Variants in CSNK1G3 observed in about 807,000 individuals in gnomAD.
CSNK1G3 encodes casein kinase 1 gamma 3.
In CSNK1G3, 23 loss-of-function variants were observed where a neutral mutation model predicts 64.3. That is an observed-to-expected ratio of 0.36 (90% CI 0.26 to 0.51). CSNK1G3 has a LOEUF of 0.51. Among genes scored for constraint, CSNK1G3 ranks in the 20% least tolerant of loss-of-function variants. The pLI is 0.96. For synonymous variants in CSNK1G3, 158 were observed against 162.2 expected (o/e 0.97, Z 0.20); for missense variants, 357 against 510.5 (o/e 0.70, Z 2.90).
At chr5:123,583,105 C>G (rs1790622799) in intron 6 of CSNK1G3, among the ~76,000 whole-genome samples, 1 of 152,144 alleles carries the variant, frequency 6.6e-6, no homozygotes, top group African/African-American at 2.4e-5. Flanking sequence ...TAAAGCTTCC[C>G]CTTGGATAGA....
At position 123,575,977 on chromosome 5, in the gene CSNK1G3, T is replaced by TTC; in HGVS notation, c.673+14_673+15insTC. ...ATTTAGGAAAAGGTATGTGTACCTT[T>TTC]CGTAAGTATGGAAGTTTGAACTTAG... is the stretch of plus-strand genomic sequence containing the variant. On this transcript the variant is annotated intron_variant, in intron 6 of 12. Coordinates refer to ENST00000345990, the Ensembl canonical transcript of CSNK1G3. 1.3e-6 allele frequency: 2 copies of TTC among 1,555,804 alleles called. No homozygotes were observed. The highest frequency in any genetic ancestry group is 1.8e-6 in the Non-Finnish European group (2 of 1,129,468).
chr5:123,550,247 A>C (rs942906866), intron 2 of CSNK1G3, among the ~76,000 whole-genome samples: 4 of 152,228 alleles, frequency 2.6e-5, no homozygotes, highest in African/African-American at 9.6e-5. Flanking sequence ...AGAAACCCGA[A>C]GGCTGTCAGG....
intron 6 of CSNK1G3, among the ~76,000 whole-genome samples, chr5:123,582,838 C>T (rs749781264): frequency 2.0e-5 from 3 of 152,126 alleles, no homozygotes; most frequent in Non-Finnish European, 4.4e-5. Flanking sequence ...AAAGAGAAAG[C>T]CTTCCTGTGA....
At chr5:123,535,663 T>G (rs1780668541) in intron 1 of CSNK1G3, among the ~76,000 whole-genome samples, 1 of 152,170 alleles carries the variant, frequency 6.6e-6, no homozygotes, top group Non-Finnish European at 1.5e-5. Flanking sequence ...CCCTAACCAC[T>G]GTTGTCATCT....
intron 10 of CSNK1G3, among the ~76,000 whole-genome samples, chr5:123,596,009 AT>A (rs1478528993): frequency 2.0e-5 from 3 of 151,946 alleles, no homozygotes; most frequent in Non-Finnish European, 4.4e-5. Flanking sequence ...CACTTGAATA[AT>A]TTGCCATTTT....
intron 6 of CSNK1G3, among the ~76,000 whole-genome samples, chr5:123,586,038 T>C (rs1791261899): frequency 6.6e-6 from 1 of 152,238 alleles, no homozygotes; most frequent in Non-Finnish European, 1.5e-5. Context: ...AACTGGAACC[T>C]ATTCAAATGT....
intron 2 of CSNK1G3, among the ~76,000 whole-genome samples, chr5:123,548,686 G>A (rs1206157458): frequency 1.2e-4 from 18 of 151,714 alleles, no homozygotes. Flanking sequence ...CAGGAGGATA[G>A]CTTGATTCTA....
chr5:123,557,411 G>A, intron 3 of CSNK1G3, 84 bp from the exon 4 acceptor site: 1 of 979,938 alleles, frequency 1.0e-6, no homozygotes, highest in Non-Finnish European at 1.6e-6. Flanking sequence ...TATAGGCATT[G>A]ACACCAAAAT....
At chr5:123,548,589 C>A (rs1379944455) in intron 2 of CSNK1G3, among the ~76,000 whole-genome samples, 1 of 150,964 alleles carries the variant, frequency 6.6e-6, no homozygotes, top group Admixed American at 6.6e-5. Flanking sequence ...TATCTGGATT[C>A]TGTTTTTCGT....
At chr5:123,572,774 A>G (rs6595460) in intron 4 of CSNK1G3, among the ~76,000 whole-genome samples, 92,856 of 152,044 alleles carry the variant, frequency 0.61, 29,807 homozygotes, top group African/African-American at 0.81. Flanking sequence ...CTTCTAGACT[A>G]TCTTTTTAAA....
chr5:123,517,304 A>G (rs894820882), intron 1 of CSNK1G3, among the ~76,000 whole-genome samples: 2 of 152,158 alleles, frequency 1.3e-5, no homozygotes, highest in Non-Finnish European at 2.9e-5. Flanking sequence ...TATTCCCCCC[A>G]GTTACTGTAG....
chr5:123,616,063 C>T (rs564395907), exon 13 of CSNK1G3: 8 of 152,108 alleles, frequency 5.3e-5, no homozygotes, highest in African/African-American at 1.7e-4. Context: ...ATCATTGTTG[C>T]TATGAATCCT....
At chr5:123,567,431 T>C (rs1444454755) in intron 4 of CSNK1G3, among the ~76,000 whole-genome samples, 1 of 152,028 alleles carries the variant, frequency 6.6e-6, no homozygotes, top group African/African-American at 2.4e-5. Flanking sequence ...GGAAACCCTG[T>C]CTCTACTAAA....
intron 4 of CSNK1G3, among the ~76,000 whole-genome samples, chr5:123,561,673 ATTCTT>A (rs1785754220): frequency 6.6e-6 from 1 of 152,172 alleles, no homozygotes; most frequent in Non-Finnish European, 1.5e-5. Flanking sequence ...TCCTGCTTCT[ATTCTT>A]AAAGTCTAGC....
At chr5:123,545,784 C>T in exon 2 of CSNK1G3, 1 of 1,613,640 alleles carries the variant, frequency 6.2e-7, no homozygotes, top group Non-Finnish European at 8.5e-7. Context: ...AATGGTTGGA[C>T]CTAACTTTAG....
chr5:123,579,569 A>G (rs971237030), intron 6 of CSNK1G3, among the ~76,000 whole-genome samples: 1 of 151,920 alleles, frequency 6.6e-6, no homozygotes, highest in African/African-American at 2.4e-5. Context: ...GTTCACCACT[A>G]TTTTATTGTG....
intron 2 of CSNK1G3, among the ~76,000 whole-genome samples, chr5:123,547,458 T>C (rs1782750874): frequency 6.6e-6 from 1 of 152,136 alleles, no homozygotes; most frequent in Non-Finnish European, 1.5e-5. Flanking sequence ...TCTGTGTGTG[T>C]GTGTGTGTAT....
chr5:123,522,981 A>G (rs1041854718), intron 1 of CSNK1G3, among the ~76,000 whole-genome samples: 7 of 152,318 alleles, frequency 4.6e-5, no homozygotes, highest in African/African-American at 1.7e-4. Flanking sequence ...GACCTAAGTG[A>G]TATCTCTAAA....
At chr5:123,586,414 A>T (rs909591424) in intron 6 of CSNK1G3, among the ~76,000 whole-genome samples, 5 of 152,216 alleles carry the variant, frequency 3.3e-5, no homozygotes, top group African/African-American at 1.2e-4. Flanking sequence ...AATTTTCGTT[A>T]TAAAAGTTAT....
Sources: allele counts gnomAD v4.1 joint callset (sites outside exome capture counted in the v4.1 genomes callset), GRCh38; gene constraint gnomAD v4.1.1; transcripts MANE v1.5; gene names NCBI Gene and HGNC (gene_info 2026-07-23, HGNC 2026-07-21).